The following TEX36 variants were observed in gnomAD, a reference collection of about 807,000 sequenced individuals.
TEX36 encodes the protein testis-expressed protein 36.
TEX36 carries 12 observed loss-of-function variants against 13.6 expected under a neutral mutation model. That is an observed-to-expected ratio of 0.88 (90% CI 0.56 to 1.43). The LOEUF is 1.43. Ranked by LOEUF, TEX36 falls within the 40% of genes most tolerant of loss-of-function variation. The pLI is 0.00. For synonymous variants in TEX36, 93 were observed against 83.0 expected (o/e 1.12, Z -0.65); for missense variants, 224 against 228.3 (o/e 0.98, Z 0.12).
At chr10:125,602,930 T>G (rs568914346) in intron 3 of TEX36, among the ~76,000 whole-genome samples, 26 of 152,166 alleles carry the variant, frequency 1.7e-4, no homozygotes, top group Non-Finnish European at 2.6e-4. Flanking sequence ...CACCTGGAGA[T>G]TTCCATGGGG....
At chr10:125,670,785 G>A (rs896234594) in intron 1 of TEX36, among the ~76,000 whole-genome samples, 2 of 151,982 alleles carry the variant, frequency 1.3e-5, no homozygotes, top group Non-Finnish European at 2.9e-5. Context: ...AAGGGGTCCA[G>A]TTTCAATTTT....
chr10:125,591,777 G>A (rs1589744231), intron 3 of TEX36, among the ~76,000 whole-genome samples: 2 of 152,270 alleles, frequency 1.3e-5, no homozygotes, highest in East Asian at 1.9e-4. Flanking sequence ...TAGCAGATGC[G>A]TTCATGACGA....
At chr10:125,673,045 A>G (rs1847258544) in intron 1 of TEX36, among the ~76,000 whole-genome samples, 1 of 152,056 alleles carries the variant, frequency 6.6e-6, no homozygotes, top group Non-Finnish European at 1.5e-5. Context: ...GGGTCTCTTG[A>G]ATACAGCACA....
intron 3 of TEX36, among the ~76,000 whole-genome samples, chr10:125,589,075 C>A (rs1014319412): frequency 3.3e-5 from 5 of 152,206 alleles, no homozygotes; most frequent in Non-Finnish European, 7.3e-5. Context: ...GAGAGGAAAA[C>A]ATCAAACAAT....
Position 125,579,845 on chromosome 10 carries a change from G to A in TEX36, c.265-2971C>T, listed in dbSNP as rs184173946. ...AGTTTCCTGAGGCCTCCCCAGCCAT[G>A]CTTCCTGTACAGCCTGTGGAACTGT... On this transcript the variant is annotated intron_variant, in intron 3 of 3. Coordinates refer to the TEX36 transcript ENST00000532135. Among the ~76,000 whole-genome samples the A allele has an allele frequency of 6.6e-5, 10 of 152,128 alleles. No individual in the cohort carries two copies. The East Asian group carries it at 1.7e-3, about 27-fold the overall frequency.
At chr10:125,635,847 G>A (rs1846617500) in intron 3 of TEX36, among the ~76,000 whole-genome samples, 1 of 151,906 alleles carries the variant, frequency 6.6e-6, no homozygotes. Flanking sequence ...TCTGCTTGGT[G>A]ATTGGGCAGC....
chr10:125,589,684 A>G (rs1179131083), intron 3 of TEX36, among the ~76,000 whole-genome samples: 1 of 152,326 alleles, frequency 6.6e-6, no homozygotes, highest in African/African-American at 2.4e-5. Context: ...CTAACCCTAA[A>G]CTATCTTTGC....
intron 3 of TEX36, among the ~76,000 whole-genome samples, chr10:125,593,258 G>A (rs976596422): frequency 9.2e-5 from 14 of 152,188 alleles, no homozygotes; most frequent in Non-Finnish European, 1.6e-4. Context: ...TAGGAGCTGT[G>A]TGCCAGGAAC....
chr10:125,605,846 C>T (rs11244575), intron 3 of TEX36, among the ~76,000 whole-genome samples: 13,740 of 152,258 alleles, frequency 0.09, 807 homozygotes, highest in South Asian at 0.24. Context: ...AGGTGATCTG[C>T]CTTCCTCAGC....
chr10:125,628,642 T>C (rs1846516571), intron 3 of TEX36, among the ~76,000 whole-genome samples: 1 of 152,258 alleles, frequency 6.6e-6, no homozygotes, highest in Admixed American at 6.5e-5. Flanking sequence ...GAAGTGCTTC[T>C]TGAGATCGTG....
chr10:125,670,079 A>G (rs1847198862), intron 1 of TEX36, among the ~76,000 whole-genome samples: 1 of 152,278 alleles, frequency 6.6e-6, no homozygotes, highest in South Asian at 2.1e-4. Context: ...TCTTTATAAT[A>G]GAATGATTTC....
At chr10:125,629,249 C>T (rs141381585) in intron 3 of TEX36, among the ~76,000 whole-genome samples, 47 of 152,258 alleles carry the variant, frequency 3.1e-4, no homozygotes, top group African/African-American at 8.9e-4. Context: ...GTGATAGAGA[C>T]GATCTGAAGT....
At chr10:125,615,091 G>A (rs113389776) in intron 3 of TEX36, among the ~76,000 whole-genome samples, 3 of 152,072 alleles carry the variant, frequency 2.0e-5, no homozygotes, top group Non-Finnish European at 4.4e-5. Context: ...TTTGTCTGTT[G>A]TTGGTGTATA....
chr10:125,678,802 G>A (rs1847349559), intron 1 of TEX36, among the ~76,000 whole-genome samples: 1 of 152,050 alleles, frequency 6.6e-6, no homozygotes, highest in Non-Finnish European at 1.5e-5. Flanking sequence ...AGATGGGTTG[G>A]GCAAGCTCAA....
downstream of TEX36, among the ~76,000 whole-genome samples, chr10:125,619,456 A>G (rs1042231913): frequency 6.6e-6 from 1 of 151,988 alleles, no homozygotes. Flanking sequence ...CTCCACCACC[A>G]TGCCGTCTGC....
At chr10:125,624,552 G>C (rs1846464024) in intron 3 of TEX36, among the ~76,000 whole-genome samples, 3 of 151,982 alleles carry the variant, frequency 2.0e-5, no homozygotes, top group African/African-American at 7.3e-5. Context: ...AGTCAGAGGT[G>C]CCATACAGCC....
Position 125,584,652 on chromosome 10 carries a change from A to G in TEX36, c.265-7778T>C, listed in dbSNP as rs60871301. On this transcript the variant is annotated intron_variant, in intron 3 of 3. Transcript: ENST00000532135. ...CCAATGGAATAGTGTACTTGTAAAAAGAGGCAGAGACACCAGAGATTTCTC... is the reference window on the plus strand; with the variant it reads ...CCAATGGAATAGTGTACTTGTAAAAGGAGGCAGAGACACCAGAGATTTCTC... 8.8e-3 allele frequency among the ~76,000 whole-genome samples: 1,339 copies of G among 152,330 alleles called. 16 individuals are homozygous for G. Among genetic ancestry groups the G allele is most frequent in the African/African-American group, 0.03 (1,260 of 41,570 alleles).
intron 1 of TEX36, among the ~76,000 whole-genome samples, chr10:125,674,587 A>G (rs536058729): frequency 2.4e-4 from 36 of 152,042 alleles, no homozygotes; most frequent in Non-Finnish European, 4.4e-4. Context: ...GAGGCTGCTG[A>G]CCTTTGGATG....
chr10:125,655,481 T>C (rs1846923943), downstream of TEX36, among the ~76,000 whole-genome samples: 2 of 152,182 alleles, frequency 1.3e-5, no homozygotes, highest in African/African-American at 4.8e-5. Context: ...TTGCACTGTG[T>C]AACATAGTAA....
Sources: gnomAD v4.1 joint callset for allele counts (sites outside exome capture counted in the v4.1 genomes callset) on GRCh38, gnomAD v4.1.1 for gene constraint, MANE v1.5 for transcripts, NCBI Gene and HGNC (gene_info 2026-07-23, HGNC 2026-07-21) for gene names.